GRIK3: variants seen among roughly 807,000 people sequenced by gnomAD.
The protein encoded by GRIK3 is glutamate ionotropic receptor kainate type subunit 3.
In GRIK3, 29 loss-of-function variants were observed where a neutral mutation model predicts 102.5. The ratio of observed to expected loss-of-function variants is 0.28; its 90% CI spans 0.21 to 0.39. The LOEUF (loss-of-function observed/expected upper bound fraction) is 0.39. GRIK3 is among the 10% of genes least tolerant of loss of function. GRIK3 has a pLI of 1.00. For missense variants in GRIK3, 908 were observed against 1,252.4 expected (o/e 0.73, Z 4.15); for synonymous variants, 511 against 504.9 (o/e 1.01, Z -0.16).
intron 10 of GRIK3, among the ~76,000 whole-genome samples, chr1:36,841,106 C>T (rs1640444103): frequency 6.6e-6 from 1 of 152,150 alleles, no homozygotes; most frequent in Non-Finnish European, 1.5e-5. Flanking sequence ...GTGGCTTCTC[C>T]CTCTTCCTCC....
At chr1:36,862,358 TTG>T (rs1336853585) in intron 5 of GRIK3, among the ~76,000 whole-genome samples, 1 of 152,192 alleles carries the variant, frequency 6.6e-6, no homozygotes, top group African/African-American at 2.4e-5. Flanking sequence ...GCATCGTTGA[TTG>T]TCTTACTCCA....
intron 2 of GRIK3, among the ~76,000 whole-genome samples, chr1:36,890,594 A>T (rs1641102532): frequency 6.6e-6 from 1 of 152,184 alleles, no homozygotes; most frequent in Non-Finnish European, 1.5e-5. Flanking sequence ...CAGTATGTGG[A>T]GGGCAAAGAA....
At chr1:36,914,001 C>A (rs1641373580) in intron 1 of GRIK3, among the ~76,000 whole-genome samples, 1 of 152,232 alleles carries the variant, frequency 6.6e-6, no homozygotes, top group African/African-American at 2.4e-5. Flanking sequence ...ATTAAAGGCA[C>A]AGCACAGCTT....
intron 1 of GRIK3, among the ~76,000 whole-genome samples, chr1:36,979,365 A>G (rs1642226952): frequency 1.3e-5 from 2 of 152,222 alleles, no homozygotes; most frequent in Admixed American, 1.3e-4. Flanking sequence ...CCATAACTCA[A>G]AGGCTGGTTT....
intron 1 of GRIK3, among the ~76,000 whole-genome samples, chr1:37,016,200 A>G (rs561536918): frequency 6.6e-6 from 1 of 152,220 alleles, no homozygotes; most frequent in African/African-American, 2.4e-5. Flanking sequence ...TTAATTGCCA[A>G]TTGTGGGCAT....
chr1:36,957,880 G>GC (rs1159858730), intron 1 of GRIK3, among the ~76,000 whole-genome samples: 18 of 73,658 alleles, frequency 2.4e-4, no homozygotes, highest in Middle Eastern at 0.011. Flanking sequence ...GTGACTCTGT[G>GC]CCCCTGAGTC....
At chr1:36,934,487 TG>T (rs2124317050) in intron 1 of GRIK3, among the ~76,000 whole-genome samples, 1 of 152,340 alleles carries the variant, frequency 6.6e-6, no homozygotes, top group African/African-American at 2.4e-5. Context: ...TCCCCTCTGG[TG>T]GGATGCTGTC....
At chr1:37,028,754 A>G (rs1415975290) in intron 1 of GRIK3, among the ~76,000 whole-genome samples, 3 of 152,158 alleles carry the variant, frequency 2.0e-5, no homozygotes, top group African/African-American at 7.2e-5. Flanking sequence ...CATACTTCTT[A>G]TCCCACTTCT....
chr1:36,953,699 C>T (rs1209054330), intron 1 of GRIK3, among the ~76,000 whole-genome samples: 5 of 151,922 alleles, frequency 3.3e-5, no homozygotes, highest in African/African-American at 9.7e-5. Flanking sequence ...TTCCAGCTCA[C>T]GGAAGTGGCA....
intron 1 of GRIK3, among the ~76,000 whole-genome samples, chr1:36,934,324 A>G (rs543539382): frequency 6.6e-6 from 1 of 152,170 alleles, no homozygotes; most frequent in Non-Finnish European, 1.5e-5. Context: ...GCAGACTCCC[A>G]TGACATTGCT....
At chr1:36,817,384 T>C in intron 12 of GRIK3, 107 bp from the exon 13 acceptor site, 1 of 749,132 alleles carries the variant, frequency 1.3e-6, no homozygotes, top group Middle Eastern at 3.0e-4. Context: ...GCTAAGGCCC[T>C]TTCCCAAGAC....
At chr1:36,947,741 C>A (rs930936878) in intron 1 of GRIK3, among the ~76,000 whole-genome samples, 1 of 152,122 alleles carries the variant, frequency 6.6e-6, no homozygotes, top group Non-Finnish European at 1.5e-5. Context: ...TATTTTCTAT[C>A]CTCCTGCCCC....
intron 1 of GRIK3, among the ~76,000 whole-genome samples, chr1:36,997,883 C>T (rs557257003): frequency 6.6e-6 from 1 of 152,278 alleles, no homozygotes; most frequent in Non-Finnish European, 1.5e-5. Context: ...AGTGGCCATA[C>T]CAGGCCTAGG....
intron 5 of GRIK3, among the ~76,000 whole-genome samples, chr1:36,863,624 C>G (rs1405807275): frequency 6.6e-6 from 1 of 152,144 alleles, no homozygotes; most frequent in Non-Finnish European, 1.5e-5. Flanking sequence ...GTCTTCTTGA[C>G]CTCTCTTGGG....
chr1:36,938,006 G>C (rs1641678103), intron 1 of GRIK3, among the ~76,000 whole-genome samples: 1 of 152,218 alleles, frequency 6.6e-6, no homozygotes, highest in Non-Finnish European at 1.5e-5. Context: ...AGATATACTA[G>C]GTGTCCAGCC....
rs1310756702 is a variant in GRIK3 at position 36,880,540 on chromosome 1, G to A, written c.550+94C>T. On this transcript the variant is annotated intron_variant, in intron 3 of 15. Coordinates refer to ENST00000373091, the MANE Select transcript of GRIK3 (RefSeq NM_000831.4). This position sits in a 1 kb window ranked among gnomAD's most constrained non-coding sequence, Gnocchi z 5.4. Reference sequence around the variant, plus strand: ...GTATGGAACACAGCCTCTTCCCCCAGGGCAGCTGTGCTGAACAAACAGACA... The same window carrying A: ...GTATGGAACACAGCCTCTTCCCCCAAGGCAGCTGTGCTGAACAAACAGACA... 2 of 1,256,038 alleles carry A rather than the reference G, an allele frequency of 1.6e-6. No homozygotes were observed. The highest frequency in any genetic ancestry group is 4.6e-5 in the East Asian group (2 of 43,104). The allele number at this position is 1,256,038 out of a possible 1,614,324, so 77.8% of individuals were successfully genotyped here.
rs140571932 is a variant in GRIK3 at position 36,814,720 on chromosome 1, C to A, written c.2091+2340G>T. Among the ~76,000 whole-genome samples, 279 of 152,054 alleles carry A rather than the reference C, an allele frequency of 1.8e-3. 3 individuals are homozygous for A. In the East Asian group the frequency reaches 0.027, roughly 15 times the overall value. On this transcript the variant is annotated intron_variant, in intron 13 of 15. Coordinates refer to ENST00000373091, the MANE Select transcript of GRIK3 (RefSeq NM_000831.4). The stretch of plus-strand genomic sequence containing the variant: ...CAAAGGCGAGTATACACACACATGC[C>A]TGCACAGGCCATTACACACACACAG...
intron 1 of GRIK3, among the ~76,000 whole-genome samples, chr1:36,939,432 C>G (rs1641696641): frequency 1.3e-5 from 2 of 152,228 alleles, no homozygotes; most frequent in Non-Finnish European, 2.9e-5. Flanking sequence ...CTGGCACCAG[C>G]CATCCCCGCT....
At chr1:36,884,144 G>A (rs1641013487) in intron 2 of GRIK3, among the ~76,000 whole-genome samples, 1 of 152,200 alleles carries the variant, frequency 6.6e-6, no homozygotes, top group South Asian at 2.1e-4. Context: ...ACGGGGGCAT[G>A]GCATCCTCCT....
Sources: allele counts gnomAD v4.1 joint callset (sites outside exome capture counted in the v4.1 genomes callset), GRCh38; gene constraint gnomAD v4.1.1; non-coding constraint Gnocchi (gnomAD v3.1); transcripts MANE v1.5; gene names NCBI Gene and HGNC (gene_info 2026-07-23, HGNC 2026-07-21).